The following C10orf143 variants were observed in gnomAD, a reference collection of about 807,000 sequenced individuals.
C10orf143 encodes the protein uncharacterized protein C10orf143.
At chr10:130,103,191 T>C (rs1861586814) in intron 1 of C10orf143, among the ~76,000 whole-genome samples, 1 of 152,182 alleles carries the variant, frequency 6.6e-6, no homozygotes, top group African/African-American at 2.4e-5. Flanking sequence ...TTGGTCAGAC[T>C]GGTCTTGAAC....
At chr10:130,071,702 A>G (rs1241798675) in intron 3 of C10orf143, among the ~76,000 whole-genome samples, 1 of 152,116 alleles carries the variant, frequency 6.6e-6, no homozygotes, top group Non-Finnish European at 1.5e-5. Context: ...ATCTCGGCTC[A>G]CCGCAACCTC....
intron 1 of C10orf143, chr10:130,107,053 C>G: frequency 7.0e-7 from 1 of 1,438,586 alleles, no homozygotes; most frequent in East Asian, 2.3e-5. Context: ...AAATTTATAT[C>G]CAGTTACCTG....
rs187262505 is a variant in C10orf143, at chr10:130,056,729, T to C, written c.298-20759A>G. Among the ~76,000 whole-genome samples, 1,070 of 152,026 alleles carry C rather than the reference T, an allele frequency of 7.0e-3. 18 individuals are homozygous for C. The highest frequency in any genetic ancestry group is 0.024 in the African/African-American group (1,002 of 41,490). On this transcript the variant is annotated intron_variant and NMD_transcript_variant, in intron 3 of 5. Transcript: ENST00000643056. This position sits in a 1 kb window ranked among gnomAD's most constrained non-coding sequence, Gnocchi z 4.6. ...GCCTCAGCCTCCTGAGTAGCTGGGATTACAGGCACCCACCACCGCACCTGG... is the reference window on the plus strand; with the variant it reads ...GCCTCAGCCTCCTGAGTAGCTGGGACTACAGGCACCCACCACCGCACCTGG...
At chr10:130,061,303 T>C (rs1176582294), downstream of C10orf143, among the ~76,000 whole-genome samples, 1 of 152,168 alleles carries the variant, frequency 6.6e-6, no homozygotes, top group East Asian at 1.9e-4. Context: ...TAATTAAAAA[T>C]TTTTTTCTTT....
chr10:130,036,674 G>T (rs985670755), intron 3 of C10orf143, among the ~76,000 whole-genome samples: 2 of 152,216 alleles, frequency 1.3e-5, no homozygotes, highest in Non-Finnish European at 2.9e-5. Context: ...CTTGGAGATT[G>T]TTCTGACTCA....
At chr10:130,036,412 G>A (rs1442230087) in intron 3 of C10orf143, among the ~76,000 whole-genome samples, 1 of 152,180 alleles carries the variant, frequency 6.6e-6, no homozygotes, top group African/African-American at 2.4e-5. Flanking sequence ...CATGCTGGCT[G>A]GAGGGGAGGA....
chr10:130,083,349 T>C (rs1861237634), intron 1 of C10orf143, among the ~76,000 whole-genome samples: 1 of 152,202 alleles, frequency 6.6e-6, no homozygotes, highest in African/African-American at 2.4e-5. Flanking sequence ...GCAGGGAAAT[T>C]TGGCAATACA....
intron 3 of C10orf143, chr10:130,064,746 C>T (rs1235231380): frequency 6.5e-6 from 1 of 153,184 alleles, no homozygotes; most frequent in Non-Finnish European, 1.5e-5. Context: ...AAAAGCAACA[C>T]AAAAGTGGCT....
chr10:130,060,224 G>A (rs1412756272), downstream of C10orf143, among the ~76,000 whole-genome samples: 7 of 152,166 alleles, frequency 4.6e-5, no homozygotes, highest in Non-Finnish European at 1.0e-4. Flanking sequence ...ACAGGACATG[G>A]GCTCTTGGTA....
At chr10:130,054,763 C>G (rs1372988754) in intron 3 of C10orf143, among the ~76,000 whole-genome samples, 1 of 152,106 alleles carries the variant, frequency 6.6e-6, no homozygotes, top group Admixed American at 6.6e-5. Context: ...AGTAACATTG[C>G]ATATCTTTTC....
chr10:130,038,519 A>G (rs1860570237), intron 3 of C10orf143, among the ~76,000 whole-genome samples: 1 of 152,068 alleles, frequency 6.6e-6, no homozygotes, highest in Non-Finnish European at 1.5e-5. Context: ...CTGCAGGCTT[A>G]CCTCTGATAT....
chr10:130,110,807 G>A lies in C10orf143; in HGVS notation c.-35C>T, dbSNP rs1861757311. On this transcript the variant is annotated 5_prime_UTR_variant, in exon 1 of 4. Transcript: ENST00000637128. ...GGGTCAAACCCTCCCGGCATCTCAGGCCTGGCCGAGGCCCGCGCACCACGC... is the reference window on the plus strand; with the variant it reads ...GGGTCAAACCCTCCCGGCATCTCAGACCTGGCCGAGGCCCGCGCACCACGC... 2.5e-6 allele frequency: 1 copy of A among 398,812 alleles called. No individual in the cohort carries two copies. The highest frequency in any genetic ancestry group is 4.4e-5 in the Admixed American group (1 of 22,722). The allele number at this position is 398,812 out of a possible 1,614,324, so 24.7% of individuals were successfully genotyped here.
chr10:130,059,325 C>A (rs1006092198), downstream of C10orf143, among the ~76,000 whole-genome samples: 1 of 152,032 alleles, frequency 6.6e-6, no homozygotes, highest in East Asian at 1.9e-4. Flanking sequence ...ATATAAATAT[C>A]ATTGAAAACA....
intron 1 of C10orf143, among the ~76,000 whole-genome samples, chr10:130,090,758 T>C (rs1250445455): frequency 6.6e-6 from 1 of 152,128 alleles, no homozygotes; most frequent in Admixed American, 6.5e-5. Context: ...TTACCAAGGC[T>C]TGAGTAGGCG....
downstream of C10orf143, among the ~76,000 whole-genome samples, chr10:130,059,868 T>A (rs7084087): frequency 0.079 from 12,017 of 152,226 alleles, 718 homozygotes; most frequent in African/African-American, 0.17. Context: ...ATGAAATTGA[T>A]GAAGCATGTA....
downstream of C10orf143, among the ~76,000 whole-genome samples, chr10:130,063,445 T>C (rs1381974912): frequency 6.6e-6 from 1 of 152,234 alleles, no homozygotes; most frequent in Non-Finnish European, 1.5e-5. Flanking sequence ...CTGGCATTTT[T>C]TGATCGAGTC....
chr10:130,040,493 AG>A (rs1425200472), intron 3 of C10orf143, among the ~76,000 whole-genome samples: 3 of 152,214 alleles, frequency 2.0e-5, no homozygotes, highest in Non-Finnish European at 4.4e-5. Flanking sequence ...GGCAGCAGCA[AG>A]TCTCCTGAGA....
intron 1 of C10orf143, among the ~76,000 whole-genome samples, chr10:130,094,744 T>C (rs189624792): frequency 1.1e-3 from 160 of 152,318 alleles, no homozygotes; most frequent in African/African-American, 3.7e-3. Flanking sequence ...ATAAGAGCTA[T>C]TTATGACAAA....
At chr10:130,051,065 C>G (rs1780377281) in intron 3 of C10orf143, among the ~76,000 whole-genome samples, 4 of 152,164 alleles carry the variant, frequency 2.6e-5, no homozygotes, top group Admixed American at 2.0e-4. Context: ...ATTCAAGGTT[C>G]ATGTTTGAAA....
Sources: gnomAD v4.1 joint callset for allele counts (sites outside exome capture counted in the v4.1 genomes callset) on GRCh38, gnomAD v4.1.1 for gene constraint, Gnocchi (gnomAD v3.1) non-coding constraint, MANE v1.5 for transcripts, NCBI Gene and HGNC (gene_info 2026-07-23, HGNC 2026-07-21) for gene names.